Variants in SCAF8 observed in about 807,000 individuals in gnomAD.
The protein encoded by SCAF8 is SR-related and CTD-associated factor 8.
In SCAF8, 23 loss-of-function variants were observed where a neutral mutation model predicts 140.5. The ratio of observed to expected loss-of-function variants is 0.16; its 90% CI spans 0.12 to 0.23. The LOEUF (loss-of-function observed/expected upper bound fraction) is 0.23. Among genes scored for constraint, SCAF8 ranks in the 10% least tolerant of loss-of-function variants. The pLI, the probability that SCAF8 is intolerant of heterozygous loss-of-function variation, is 1.00. For missense variants in SCAF8, 1,397 were observed against 1,555.7 expected (o/e 0.90, Z 1.72); for synonymous variants, 575 against 528.9 (o/e 1.09, Z -1.20).
chr6:154,772,380 G>A (rs1454529868), intron 1 of SCAF8, among the ~76,000 whole-genome samples: 2 of 152,096 alleles, frequency 1.3e-5, no homozygotes, highest in Non-Finnish European at 2.9e-5. Flanking sequence ...GCTTATATGA[G>A]AAATTTCAAA....
rs148730054 is a variant in SCAF8 at position 154,807,263 on chromosome 6, T to G, written c.982-807T>G. Among the ~76,000 whole-genome samples the G allele has an allele frequency of 2.6e-3, 402 of 152,308 alleles. 4 individuals are homozygous for G. The highest frequency in any genetic ancestry group is 9.0e-3 in the African/African-American group (375 of 41,576). ...AAGAGAGAACTCTGGGCTTAGTTAA[T>G]TACTCTATATATCAGTTCCAAAATT... On this transcript the variant is annotated intron_variant, in intron 9 of 19. Coordinates refer to ENST00000367178, the MANE Select transcript of SCAF8 (RefSeq NM_014892.5).
intron 7 of SCAF8, among the ~76,000 whole-genome samples, chr6:154,803,155 T>G (rs933375146): frequency 3.9e-5 from 6 of 152,116 alleles, no homozygotes; most frequent in Non-Finnish European, 7.4e-5. Context: ...AGCCTTTAAA[T>G]TGAGCATTCA....
intron 1 of SCAF8, among the ~76,000 whole-genome samples, chr6:154,772,030 A>G (rs1369498382): frequency 5.3e-5 from 8 of 152,154 alleles, no homozygotes; most frequent in Admixed American, 5.2e-4. Flanking sequence ...ACGAGTTGGT[A>G]GAGGGAGAGG....
At chr6:154,801,212 A>G (rs889383451) in intron 6 of SCAF8, among the ~76,000 whole-genome samples, 1 of 151,626 alleles carries the variant, frequency 6.6e-6, no homozygotes, top group Non-Finnish European at 1.5e-5. Flanking sequence ...TTAAGTAGGC[A>G]TGAAATTACT....
At chr6:154,764,317 A>C (rs536236996) in intron 1 of SCAF8, among the ~76,000 whole-genome samples, 3 of 132,468 alleles carry the variant, frequency 2.3e-5, no homozygotes, top group African/African-American at 8.8e-5. Flanking sequence ...TCTGTTGTTT[A>C]GTATATTTTC....
At chr6:154,749,116 A>G (rs900904343) in intron 1 of SCAF8, among the ~76,000 whole-genome samples, 1 of 151,898 alleles carries the variant, frequency 6.6e-6, no homozygotes, top group East Asian at 1.9e-4. Flanking sequence ...CTAATTTTGT[A>G]TTTTTAGTAG....
At chr6:154,794,892 A>G in intron 5 of SCAF8, 117 bp from the exon 6 acceptor site, 1 of 940,228 alleles carries the variant, frequency 1.1e-6, no homozygotes, top group Non-Finnish European at 1.6e-6. Flanking sequence ...ACAATAAAAT[A>G]AAAACAATAT....
At chr6:154,815,564 C>A in intron 12 of SCAF8, 152 bp from the exon 13 acceptor site, 1 of 348,960 alleles carries the variant, frequency 2.9e-6, no homozygotes, top group Non-Finnish European at 5.4e-6. Flanking sequence ...TGTTTTTAAA[C>A]ATAACAGATG....
intron 1 of SCAF8, among the ~76,000 whole-genome samples, chr6:154,751,218 A>G (rs887069571): frequency 6.6e-6 from 1 of 151,704 alleles, no homozygotes; most frequent in African/African-American, 2.4e-5. Context: ...TAAACCTGAT[A>G]TCTAAAAACC....
chr6:154,804,528 T>A (rs1325462754), intron 8 of SCAF8, among the ~76,000 whole-genome samples: 1 of 152,216 alleles, frequency 6.6e-6, no homozygotes, highest in Non-Finnish European at 1.5e-5. Context: ...GTGTGTTCTT[T>A]TGTTGAGCTG....
intron 1 of SCAF8, among the ~76,000 whole-genome samples, chr6:154,744,640 C>G (rs1341860061): frequency 6.6e-6 from 1 of 152,176 alleles, no homozygotes; most frequent in East Asian, 1.9e-4. Flanking sequence ...TTCTCAACCT[C>G]TGGTGCTAGG....
chr6:154,830,613 A>G (rs1208243871), intron 18 of SCAF8, among the ~76,000 whole-genome samples: 2 of 152,198 alleles, frequency 1.3e-5, no homozygotes, highest in Non-Finnish European at 2.9e-5. Context: ...TTAGACATTC[A>G]CTTTATCTGG....
chr6:154,736,265 C>CT (rs71021071), intron 1 of SCAF8, among the ~76,000 whole-genome samples: 36,143 of 78,312 alleles, frequency 0.46, 10,339 homozygotes, highest in East Asian at 0.84. Context: ...CCATCCAAGA[C>CT]TTTTTTTTTT....
chr6:154,804,247 A>G (rs1255827336), intron 8 of SCAF8, among the ~76,000 whole-genome samples: 1 of 152,180 alleles, frequency 6.6e-6, no homozygotes, highest in Admixed American at 6.5e-5. Context: ...AACAGAAGTT[A>G]TTAGTTGTAT....
chr6:154,834,171 ATG>A lies in SCAF8; in HGVS notation c.*779_*780del, dbSNP rs1022850485. The A allele has an allele frequency of 2.0e-5, 3 of 152,332 alleles. 1 individual carries two copies. Among genetic ancestry groups the A allele is most frequent in the South Asian group, 4.1e-4 (2 of 4,830 alleles). The allele number at this position is 152,332 out of a possible 1,614,324, so 9.4% of individuals were successfully genotyped here. A position where few individuals can be genotyped will look rare whatever the true frequency, so the allele number is the denominator to read the frequency against. ...CTTTCTATCATAACAACAATGAACT[ATG>A]TGGTGGAAAAAGCATGTACTTTGAT... On this transcript the variant is annotated 3_prime_UTR_variant, in exon 20 of 20. Coordinates refer to ENST00000367178, the MANE Select transcript of SCAF8 (RefSeq NM_014892.5).
chr6:154,808,561 GA>G (rs1260750352), intron 10 of SCAF8, 124 bp from the exon 11 acceptor site: 3 of 635,430 alleles, frequency 4.7e-6, no homozygotes, highest in Non-Finnish European at 8.3e-6. Context: ...GAAGCCAAAA[GA>G]TTGGACACCC....
chr6:154,795,276 AC>A lies in SCAF8; in HGVS notation c.606+138del. On this transcript the variant is annotated intron_variant, in intron 6 of 19. Coordinates refer to ENST00000367178, the MANE Select transcript of SCAF8 (RefSeq NM_014892.5). ...ATGGGACCATTATGTATACTTTGTT[AC>A]TTACTTAAGTCATTTAATAGTGCAT... is the stretch of plus-strand genomic sequence containing the variant. 4 of 649,114 alleles carry A rather than the reference AC, an allele frequency of 6.2e-6. 1 individual carries two copies. The South Asian group carries it at 1.1e-4, about 18-fold the overall frequency. 40.2% of individuals were successfully genotyped at this position (649,114 alleles called of 1,614,324 possible).
intron 19 of SCAF8, among the ~76,000 whole-genome samples, chr6:154,831,353 C>A (rs536991398): frequency 3.0e-4 from 46 of 152,108 alleles, no homozygotes; most frequent in African/African-American, 1.1e-3. Flanking sequence ...TCCATTAAGA[C>A]CCTCACACCA....
rs144578298 is a variant in SCAF8 at position 154,805,426 on chromosome 6, A to G, written c.921A>G (p.Leu307=). The G allele has an allele frequency of 1.1e-5, 17 of 1,612,592 alleles. No homozygotes were observed. Among genetic ancestry groups the G allele is most frequent in the Non-Finnish European group, 1.4e-5 (17 of 1,179,010 alleles). ...TTTTTCATCAGATAGCAGAACAACT[A>G]CAACAGCAAAACCTAGAACATCTCA... ...NSIFHQIAEQ[L]QQQNLEHLRQ... is the part of the protein sequence containing the mutation. Residue 307 remains leucine (L), a synonymous_variant, in exon 9 of 20, where the codon CTA becomes CTG. Transcript: ENST00000367178.
Sources: allele counts gnomAD v4.1 joint callset (sites outside exome capture counted in the v4.1 genomes callset), GRCh38; gene constraint gnomAD v4.1.1; transcripts MANE v1.5; gene names NCBI Gene and HGNC (gene_info 2026-07-23, HGNC 2026-07-21).